The following ACO1 variants were observed in gnomAD, a reference collection of about 807,000 sequenced individuals.
ACO1 encodes cytoplasmic aconitate hydratase.
Under a neutral mutation model 105.1 loss-of-function variants are expected in ACO1, and 78 were observed. The ratio of observed to expected loss-of-function variants is 0.74; its 90% CI spans 0.62 to 0.90. ACO1 has a LOEUF of 0.90. Ranked by LOEUF, ACO1 falls within the 40% of genes least tolerant of loss-of-function variation. ACO1 has a pLI of 0.00. For synonymous variants in ACO1, 364 were observed against 397.4 expected (o/e 0.92, Z 1.00); for missense variants, 965 against 1,111.1 (o/e 0.87, Z 1.87).
chr9:32,432,138 G>T (rs1383503731), intron 15 of ACO1, among the ~76,000 whole-genome samples: 3 of 151,994 alleles, frequency 2.0e-5, no homozygotes, highest in African/African-American at 7.3e-5. Context: ...GACACCCAGG[G>T]GTGTGTGTCA....
chr9:32,405,570 T>C lies in ACO1; in HGVS notation c.64T>C (p.Phe22Leu), dbSNP rs1821591748. ...LDPVQPGKKF[F>L]NLNKLEDSRY... ...TCCTGTACAACCAGGAAAGAAATTC[T>C]TCAATTTGAATAAATTGGAGGATTC... The change falls in exon 2 of 21, where the codon TTC becomes CTC. Residue 22 changes from phenylalanine to leucine, a missense_variant. Phe to Leu is a conservative substitution (Grantham distance 22, BLOSUM62 0). Coordinates refer to ENST00000309951, the MANE Select transcript of ACO1 (RefSeq NM_002197.3). 1 of 1,613,818 alleles carries C rather than the reference T, an allele frequency of 6.2e-7. No individual in the cohort carries two copies. The highest frequency in any genetic ancestry group is 8.5e-7 in the Non-Finnish European group (1 of 1,179,848).
chr9:32,413,931 T>A (rs538169878), intron 4 of ACO1, among the ~76,000 whole-genome samples: 12 of 151,990 alleles, frequency 7.9e-5, no homozygotes, highest in African/African-American at 2.9e-4. Context: ...AGGGGGATCA[T>A]GAGGTCAGGA....
chr9:32,385,528 T>G (rs1821140466), intron 1 of ACO1, among the ~76,000 whole-genome samples: 1 of 152,210 alleles, frequency 6.6e-6, no homozygotes, highest in African/African-American at 2.4e-5. Context: ...TTAAAAAGAA[T>G]AGTGAACTAA....
rs1031702690 is a variant in ACO1, at chr9:32,450,957, A to C, written c.*846A>C. On this transcript the variant is annotated 3_prime_UTR_variant, in exon 21 of 21. Coordinates refer to ENST00000309951, the MANE Select transcript of ACO1 (RefSeq NM_002197.3). Reference sequence around the variant, plus strand: ...ACCTTCATATTCTCCCATTTTTACAACTCTATCAGAACTGTACGGGTATAA... The same window carrying C: ...ACCTTCATATTCTCCCATTTTTACACCTCTATCAGAACTGTACGGGTATAA... 1 of 150,214 alleles carries C rather than the reference A, an allele frequency of 6.7e-6. No homozygotes were observed. Among genetic ancestry groups the C allele is most frequent in the Admixed American group, 6.6e-5 (1 of 15,180 alleles). 9.3% of individuals were successfully genotyped at this position (150,214 alleles called of 1,614,324 possible).
chr9:32,420,871 G>A lies in ACO1; in HGVS notation c.814G>A (p.Gly272Arg), dbSNP rs768547519. Residue 272 changes from glycine (G) to arginine (R), a missense_variant, in exon 8 of 21, where the codon GGG becomes AGG. Coordinates refer to ENST00000309951, the MANE Select transcript of ACO1 (RefSeq NM_002197.3). ...TGCTGCTTAGCACCTCCGCCAGGTTGGGGTAGTGGGCAAATTTGTCGAGTT... is the reference window on the plus strand; with the variant it reads ...TGCTGCTTAGCACCTCCGCCAGGTTAGGGTAGTGGGCAAATTTGTCGAGTT... Reference protein sequence around the residue: ...LTITKHLRQVGVVGKFVEFFG... With the variant: ...LTITKHLRQVRVVGKFVEFFG... 1.1e-5 allele frequency: 18 copies of A among 1,613,738 alleles called. No homozygotes were observed. The highest frequency in any genetic ancestry group is 1.5e-5 in the Non-Finnish European group (18 of 1,179,808).
At chr9:32,411,521 A>G (rs1285595009) in intron 4 of ACO1, among the ~76,000 whole-genome samples, 1 of 152,220 alleles carries the variant, frequency 6.6e-6, no homozygotes, top group African/African-American at 2.4e-5. Flanking sequence ...TACTTAATAT[A>G]TGGAGTGTCT....
intron 1 of ACO1, among the ~76,000 whole-genome samples, chr9:32,397,894 T>C (rs1344402170): frequency 6.6e-6 from 1 of 152,170 alleles, no homozygotes; most frequent in African/African-American, 2.4e-5. Flanking sequence ...AAAAAAAGGA[T>C]TGGGGGATGT....
intron 15 of ACO1, 56 bp from the exon 16 acceptor site, chr9:32,433,672 T>C (rs929091073): frequency 7.4e-7 from 1 of 1,359,224 alleles, no homozygotes; most frequent in Non-Finnish European, 1.0e-6. Context: ...TGTTTGCATA[T>C]TAAATTTTCT....
intron 4 of ACO1, among the ~76,000 whole-genome samples, chr9:32,416,326 C>G (rs1467000505): frequency 6.6e-6 from 1 of 152,090 alleles, no homozygotes; most frequent in African/African-American, 2.4e-5. Flanking sequence ...AACTCCTGAC[C>G]TCGTGATCTG....
intron 12 of ACO1, among the ~76,000 whole-genome samples, chr9:32,428,925 G>T (rs1822163662): frequency 6.6e-6 from 1 of 152,102 alleles, no homozygotes; most frequent in Non-Finnish European, 1.5e-5. Context: ...CATCACGATG[G>T]CTACAACATC....
chr9:32,421,125 A>AGTGCT, intron 8 of ACO1, 98 bp downstream of exon 8: 4 of 1,324,706 alleles, frequency 3.0e-6, no homozygotes, highest in South Asian at 2.8e-5. Context: ...AACAGAAGGC[A>AGTGCT]CTGGGTTACA....
At chr9:32,448,636 G>C (rs1368557978) in intron 19 of ACO1, among the ~76,000 whole-genome samples, 1 of 152,196 alleles carries the variant, frequency 6.6e-6, no homozygotes, top group Non-Finnish European at 1.5e-5. Context: ...GTGCTTCCCA[G>C]GTGAGGTGAC....
rs565877795 is a variant in ACO1, at chr9:32,449,147, T to A, written c.2556+66T>A. 151 of 1,483,506 alleles carry A rather than the reference T, an allele frequency of 1.0e-4. No homozygotes were observed. The African/African-American group carries it at 1.9e-3, about 19-fold the overall frequency. The allele number at this position is 1,483,506 out of a possible 1,614,324, so 91.9% of individuals were successfully genotyped here. A position where few individuals can be genotyped will look rare whatever the true frequency, so the allele number is the denominator to read the frequency against. ...GCCCCCTCGTTTGTAACCAGTCTTGTTAGAAGGAAATTAGTGAGGTTTAGA... is the reference window on the plus strand; with the variant it reads ...GCCCCCTCGTTTGTAACCAGTCTTGATAGAAGGAAATTAGTGAGGTTTAGA... On this transcript the variant is annotated intron_variant, in intron 20 of 20. Transcript: ENST00000309951.
At chr9:32,419,272 G>T (rs1413606231) in intron 7 of ACO1, 95 bp downstream of exon 7, 4 of 1,342,790 alleles carry the variant, frequency 3.0e-6, no homozygotes, top group Non-Finnish European at 2.9e-6. Context: ...TGGTTTCCAA[G>T]TGCTCTAGCA....
In ACO1 at chr9:32,452,131, A is replaced by AAGATC. The variant is rs1822781942; in HGVS notation, c.*2023_*2027dup. Reference sequence around the variant, plus strand: ...CAAAAAAACCTGTGATCCTCAAGTTAAGATCAGTCCTAGAATAAAAACACT... The same window carrying AAGATC: ...CAAAAAAACCTGTGATCCTCAAGTTAAGATCAGATCAGTCCTAGAATAAAAACACT... On this transcript the variant is annotated 3_prime_UTR_variant, in exon 21 of 21. Transcript: ENST00000309951. 1 of 152,084 alleles carries AAGATC rather than the reference A, an allele frequency of 6.6e-6. No individual in the cohort carries two copies. Among genetic ancestry groups the AAGATC allele is most frequent in the East Asian group, 1.9e-4 (1 of 5,196 alleles). 9.4% of individuals were successfully genotyped at this position (152,084 alleles called of 1,614,324 possible).
At chr9:32,433,961 T>C in intron 16 of ACO1, 129 bp downstream of exon 16, 1 of 771,958 alleles carries the variant, frequency 1.3e-6, no homozygotes, top group South Asian at 1.9e-5. Flanking sequence ...CCCAAGCAGA[T>C]ACTGCTGGGG....
rs150429166 is a variant in ACO1 at position 32,453,913 on chromosome 9, A to C, written c.*3802A>C. The C allele has an allele frequency of 5.2e-5, 8 of 152,384 alleles. No individual in the cohort carries two copies. In the East Asian group the frequency reaches 1.5e-3, roughly 29 times the overall value. The allele number at this position is 152,384 out of a possible 1,614,324, so 9.4% of individuals were successfully genotyped here. On this transcript the variant is annotated 3_prime_UTR_variant, in exon 21 of 21. Coordinates refer to ENST00000309951, the MANE Select transcript of ACO1 (RefSeq NM_002197.3). ...TAGCTGATATTAAGTAAGTTTTAAA[A>C]GTTGACATCCCAAGAGTGAAGCCTA...
In ACO1 at chr9:32,436,753, C is replaced by G. The variant is rs148482284; in HGVS notation, c.2247+356C>G. ...TTTATTGGCATGTAATTTAATTCAT[C>G]TAATCCACATGAAAAGAAGGAGTAG... On this transcript the variant is annotated intron_variant, in intron 18 of 20. Coordinates refer to ENST00000309951, the MANE Select transcript of ACO1 (RefSeq NM_002197.3). Among the ~76,000 whole-genome samples the G allele has an allele frequency of 2.6e-3, 399 of 152,292 alleles. 3 individuals carry two copies. Among genetic ancestry groups the G allele is most frequent in the Non-Finnish European group, 4.2e-3 (287 of 68,018 alleles).
At chr9:32,408,228 G>A (rs1236965728) in intron 3 of ACO1, among the ~76,000 whole-genome samples, 2 of 152,180 alleles carry the variant, frequency 1.3e-5, no homozygotes, top group African/African-American at 4.8e-5. Flanking sequence ...GAGTTGTTAA[G>A]TGCCAGCTTT....
Sources: gnomAD v4.1 joint callset for allele counts (sites outside exome capture counted in the v4.1 genomes callset) on GRCh38, gnomAD v4.1.1 for gene constraint, MANE v1.5 for transcripts, NCBI Gene and HGNC (gene_info 2026-07-23, HGNC 2026-07-21) for gene names.